Variants in CNTLN observed in about 807,000 individuals in gnomAD.
CNTLN encodes the protein centlein, centrosomal protein.
In CNTLN, 212 loss-of-function variants were observed where a neutral mutation model predicts 180.0. The ratio of observed to expected loss-of-function variants is 1.18; its 90% CI spans 1.05 to 1.32. CNTLN has a LOEUF of 1.32. Ranked by LOEUF, CNTLN falls within the 40% of genes most tolerant of loss-of-function variation. CNTLN has a pLI of 0.00. For synonymous variants in CNTLN, 722 were observed against 563.1 expected (o/e 1.28, Z -3.99); for missense variants, 2,095 against 1,610.9 (o/e 1.30, Z -5.14).
intron 23 of CNTLN, among the ~76,000 whole-genome samples, chr9:17,471,424 G>A (rs1832038749): frequency 6.6e-6 from 1 of 152,022 alleles, no homozygotes; most frequent in African/African-American, 2.4e-5. Flanking sequence ...TATAGTAATT[G>A]AAAAGTAAAG....
chr9:17,256,166 C>A (rs1047834496), intron 5 of CNTLN, among the ~76,000 whole-genome samples: 1 of 151,962 alleles, frequency 6.6e-6, no homozygotes, highest in Admixed American at 6.6e-5. Flanking sequence ...TATTGATGGT[C>A]ACCTAGGTTG....
At chr9:17,295,095 C>T (rs536481954) in intron 6 of CNTLN, among the ~76,000 whole-genome samples, 5 of 151,726 alleles carry the variant, frequency 3.3e-5, no homozygotes, top group East Asian at 3.9e-4. Context: ...CCCTCACTGC[C>T]GGGCTGGCGG....
chr9:17,427,909 C>T (rs1829192265), intron 18 of CNTLN, among the ~76,000 whole-genome samples: 1 of 152,066 alleles, frequency 6.6e-6, no homozygotes. Flanking sequence ...TGCTAGGGTC[C>T]ATGAAGTATA....
chr9:17,233,887 G>A (rs1824969587), intron 3 of CNTLN, among the ~76,000 whole-genome samples: 1 of 152,064 alleles, frequency 6.6e-6, no homozygotes, highest in Admixed American at 6.6e-5. Context: ...GAAAAGCAAG[G>A]CAAAGATAAG....
the CNTLN span, among the ~76,000 whole-genome samples, chr9:17,511,661 C>CACACAT: frequency 2.0e-5 from 3 of 149,622 alleles, no homozygotes; most frequent in Non-Finnish European, 3.0e-5. Flanking sequence ...CACACACACA[C>CACACAT]ACACACACAC....
intron 12 of CNTLN, among the ~76,000 whole-genome samples, chr9:17,348,795 G>C (rs1327770582): frequency 2.0e-5 from 3 of 152,162 alleles, no homozygotes; most frequent in Non-Finnish European, 4.4e-5. Flanking sequence ...CTCCCAAAGT[G>C]CTGGGATTAC....
At chr9:17,490,792 G>T (rs1833120986) in intron 25 of CNTLN, among the ~76,000 whole-genome samples, 1 of 151,992 alleles carries the variant, frequency 6.6e-6, no homozygotes, top group Non-Finnish European at 1.5e-5. Flanking sequence ...AGAAAAAAAA[G>T]AATACATTTA....
chr9:17,216,101 A>G (rs1374963973), intron 2 of CNTLN, among the ~76,000 whole-genome samples: 2 of 151,968 alleles, frequency 1.3e-5, no homozygotes, highest in Non-Finnish European at 2.9e-5. Context: ...TGAACCCGTT[A>G]CCTCAGTTGG....
intron 1 of CNTLN, among the ~76,000 whole-genome samples, chr9:17,135,918 G>T (rs912428992): frequency 2.2e-4 from 34 of 152,202 alleles, no homozygotes; most frequent in African/African-American, 8.2e-4. Context: ...TGTAAACACA[G>T]ACGAGTAACG....
chr9:17,524,818 A>T, the CNTLN span, among the ~76,000 whole-genome samples: 1 of 152,168 alleles, frequency 6.6e-6, no homozygotes, highest in Non-Finnish European at 1.5e-5. Context: ...TAATACATGT[A>T]TTTCCAAGTT....
intron 2 of CNTLN, among the ~76,000 whole-genome samples, chr9:17,158,902 G>T (rs1160239267): frequency 1.3e-5 from 2 of 151,358 alleles, no homozygotes; most frequent in Non-Finnish European, 2.9e-5. Flanking sequence ...CCTTCATTCT[G>T]CTTGCTTTAG....
At chr9:17,452,114 A>G (rs1284165038) in intron 18 of CNTLN, among the ~76,000 whole-genome samples, 1 of 150,624 alleles carries the variant, frequency 6.6e-6, no homozygotes, top group Admixed American at 6.6e-5. Flanking sequence ...CATCAAGATC[A>G]GAGAGTATCT....
At chr9:17,388,012 G>C (rs1344966513) in intron 13 of CNTLN, 150 bp from the exon 14 acceptor site, 4 of 422,498 alleles carry the variant, frequency 9.5e-6, no homozygotes, top group Non-Finnish European at 1.7e-5. Flanking sequence ...CTTGAAAAGG[G>C]TCATTGTTTA....
At chr9:17,365,323 A>T (rs993525628) in intron 12 of CNTLN, among the ~76,000 whole-genome samples, 3 of 152,126 alleles carry the variant, frequency 2.0e-5, no homozygotes, top group African/African-American at 7.2e-5. Context: ...TCTGCCATGA[A>T]TGTTAAGTTT....
intron 18 of CNTLN, among the ~76,000 whole-genome samples, chr9:17,445,660 G>A (rs552122056): frequency 6.6e-6 from 1 of 152,126 alleles, no homozygotes; most frequent in Non-Finnish European, 1.5e-5. Context: ...ACTGCGGAAG[G>A]CCTCAGGGAC....
At chr9:17,189,668 G>C (rs1821670906) in intron 2 of CNTLN, among the ~76,000 whole-genome samples, 1 of 151,430 alleles carries the variant, frequency 6.6e-6, no homozygotes, top group African/African-American at 2.4e-5. Flanking sequence ...TGTATTTTTA[G>C]TAGAGACGGG....
At chr9:17,173,399 C>A (rs1199469405) in intron 2 of CNTLN, among the ~76,000 whole-genome samples, 1 of 152,002 alleles carries the variant, frequency 6.6e-6, no homozygotes, top group African/African-American at 2.4e-5. Context: ...ATAGTTTCTA[C>A]CATTTGATAC....
intron 5 of CNTLN, among the ~76,000 whole-genome samples, chr9:17,271,677 C>G (rs1250773013): frequency 1.3e-5 from 2 of 152,134 alleles, no homozygotes; most frequent in Non-Finnish European, 2.9e-5. Context: ...GGCCATATCC[C>G]TACGAGAGAT....
intron 13 of CNTLN, among the ~76,000 whole-genome samples, chr9:17,387,703 G>A (rs960114092): frequency 6.6e-6 from 1 of 151,982 alleles, no homozygotes; most frequent in Non-Finnish European, 1.5e-5. Context: ...GGTTGTGGTA[G>A]GGGTTGTTAC....
Sources: allele counts gnomAD v4.1 joint callset (sites outside exome capture counted in the v4.1 genomes callset), GRCh38; gene constraint gnomAD v4.1.1; transcripts MANE v1.5; gene names NCBI Gene and HGNC (gene_info 2026-07-23, HGNC 2026-07-21).